Variants in AATF observed in about 807,000 individuals in gnomAD.
The protein encoded by AATF is apoptosis antagonizing transcription factor, also known as protein AATF.
In AATF, 48 loss-of-function variants were observed where a neutral mutation model predicts 63.7. That is an observed-to-expected ratio of 0.75 (90% CI 0.60 to 0.96). The LOEUF (loss-of-function observed/expected upper bound fraction) is 0.96. Ranked by LOEUF, AATF falls within the 40% of genes least tolerant of loss-of-function variation. AATF has a pLI of 0.00. For synonymous variants in AATF, 258 were observed against 247.7 expected (o/e 1.04, Z -0.39); for missense variants, 639 against 685.7 (o/e 0.93, Z 0.76).
chr17:37,021,338 A>T (rs1164952633), intron 10 of AATF, among the ~76,000 whole-genome samples: 1 of 152,172 alleles, frequency 6.6e-6, no homozygotes, highest in East Asian at 1.9e-4. Flanking sequence ...AATAATATAA[A>T]AATGTTATGG....
At chr17:37,021,404 A>G (rs1410537430) in intron 10 of AATF, among the ~76,000 whole-genome samples, 17 of 152,166 alleles carry the variant, frequency 1.1e-4, no homozygotes, top group African/African-American at 3.9e-4. Flanking sequence ...CGAGGTGGGC[A>G]GATCACTTGA....
intron 1 of AATF, 91 bp downstream of exon 1, chr17:36,949,307 G>C: frequency 8.0e-7 from 1 of 1,243,412 alleles, no homozygotes. Context: ...GCGCGAGGCC[G>C]CCGGGCCTGC....
intron 4 of AATF, among the ~76,000 whole-genome samples, chr17:36,956,914 T>C (rs1490154606): frequency 2.0e-5 from 3 of 151,788 alleles, no homozygotes; most frequent in Non-Finnish European, 4.4e-5. Context: ...GAGCAAAGGT[T>C]GTAGTGAGCT....
chr17:36,984,844 A>G (rs1169775270), intron 4 of AATF, among the ~76,000 whole-genome samples: 2 of 151,234 alleles, frequency 1.3e-5, no homozygotes, highest in Non-Finnish European at 2.9e-5. Context: ...TACTGTGTTC[A>G]GCAGGCTGGA....
At chr17:36,950,739 C>T (rs1369387013) in intron 2 of AATF, among the ~76,000 whole-genome samples, 3 of 152,110 alleles carry the variant, frequency 2.0e-5, no homozygotes, top group African/African-American at 7.2e-5. Flanking sequence ...TAGGAGAGAC[C>T]ATTGATTTGG....
chr17:36,952,214 C>G lies in AATF; in HGVS notation c.284-672C>G, dbSNP rs75972347. Among the ~76,000 whole-genome samples, 1,476 of 152,346 alleles carry G rather than the reference C, an allele frequency of 9.7e-3. 15 individuals carry two copies. The highest frequency in any genetic ancestry group is 0.016 in the Admixed American group (250 of 15,306). On this transcript the variant is annotated intron_variant, in intron 2 of 11. Transcript: ENST00000619387. ...AAGTAAAATTATAATGTCTCCTTCT[C>G]CACATGATACCATCCCCCACCTTTC...
intron 4 of AATF, among the ~76,000 whole-genome samples, chr17:36,964,727 CTATT>C (rs922221787): frequency 5.3e-5 from 8 of 151,984 alleles, no homozygotes; most frequent in Middle Eastern, 3.2e-3. Context: ...AGTTCGCTTC[CTATT>C]TATTTATTTT....
intron 11 of AATF, chr17:37,034,664 TC>T (rs2071576679): frequency 2.0e-5 from 3 of 152,154 alleles, no homozygotes; most frequent in African/African-American, 7.2e-5. Context: ...TACATAAAAG[TC>T]ACATTGAAAA....
chr17:37,008,919 A>G (rs2071361807), intron 8 of AATF, among the ~76,000 whole-genome samples: 1 of 152,202 alleles, frequency 6.6e-6, no homozygotes, highest in African/African-American at 2.4e-5. Context: ...TCTGTCTTGC[A>G]GTAAAAGGAC....
intron 4 of AATF, among the ~76,000 whole-genome samples, chr17:36,983,818 T>C (rs2071146311): frequency 6.6e-6 from 1 of 152,224 alleles, no homozygotes; most frequent in Non-Finnish European, 1.5e-5. Context: ...AAAGACCTTA[T>C]TTTAAACAAG....
chr17:36,983,180 T>C (rs915763298), intron 4 of AATF, among the ~76,000 whole-genome samples: 1 of 152,150 alleles, frequency 6.6e-6, no homozygotes, highest in African/African-American at 2.4e-5. Context: ...TAGCTAGGAC[T>C]ACTGGTGTAC....
At chr17:36,999,992 A>G (rs1386708671) in intron 8 of AATF, 1 of 152,300 alleles carries the variant, frequency 6.6e-6, no homozygotes, top group Non-Finnish European at 1.5e-5. Context: ...AGGCCACTGT[A>G]GCACTTTGAT....
At chr17:36,954,524 A>C (rs2070884001) in intron 4 of AATF, among the ~76,000 whole-genome samples, 1 of 152,250 alleles carries the variant, frequency 6.6e-6, no homozygotes, top group South Asian at 2.1e-4. Flanking sequence ...AGAGGTTTTT[A>C]GAACAATGTG....
chr17:36,978,914 A>G (rs529401439), intron 4 of AATF, among the ~76,000 whole-genome samples: 7 of 152,032 alleles, frequency 4.6e-5, no homozygotes, highest in African/African-American at 1.7e-4. Flanking sequence ...GTTAGGGCCT[A>G]AATGTTAAGG....
At chr17:37,033,723 T>A (rs948436313) in intron 11 of AATF, 1 of 154,632 alleles carries the variant, frequency 6.5e-6, no homozygotes, top group African/African-American at 2.4e-5. Context: ...GCAATTGTTG[T>A]CCATGGCTTT....
rs376161646 is a variant in AATF, at chr17:36,990,873, T to G, written c.1398+16T>G. 8.5e-6 allele frequency: 13 copies of G among 1,520,888 alleles called. No homozygotes were observed. The highest frequency in any genetic ancestry group is 4.3e-5 in the African/African-American group (3 of 69,918). 94.2% of individuals were successfully genotyped at this position (1,520,888 alleles called of 1,614,324 possible). A position where few individuals can be genotyped will look rare whatever the true frequency, so the allele number is the denominator to read the frequency against. On this transcript the variant is annotated intron_variant, in intron 8 of 11. Coordinates refer to ENST00000619387, the MANE Select transcript of AATF (RefSeq NM_012138.4). Reference sequence around the variant, plus strand: ...TTACCACCAGGTGAGACTTTTACACTCTCTTGTTACAAATCATGTTTTAGC... The same window carrying G: ...TTACCACCAGGTGAGACTTTTACACGCTCTTGTTACAAATCATGTTTTAGC...
chr17:37,026,642 T>C (rs1378696076), intron 10 of AATF, among the ~76,000 whole-genome samples: 1 of 152,234 alleles, frequency 6.6e-6, no homozygotes, highest in Non-Finnish European at 1.5e-5. Flanking sequence ...TATAGGGTGG[T>C]TATGCAGACT....
chr17:36,980,152 GA>G (rs1482019773), intron 4 of AATF: 1 of 152,128 alleles, frequency 6.6e-6, no homozygotes, highest in African/African-American at 2.4e-5. Flanking sequence ...TTATAAACGA[GA>G]AAATTGAGAC....
chr17:36,993,229 T>A (rs1194587447), intron 8 of AATF, among the ~76,000 whole-genome samples: 3 of 152,214 alleles, frequency 2.0e-5, no homozygotes, highest in Non-Finnish European at 4.4e-5. Context: ...CAGCTGCACA[T>A]TCATTTTCTT....
Sources: gnomAD v4.1 joint callset for allele counts (sites outside exome capture counted in the v4.1 genomes callset) on GRCh38, gnomAD v4.1.1 for gene constraint, MANE v1.5 for transcripts, NCBI Gene and HGNC (gene_info 2026-07-23, HGNC 2026-07-21) for gene names.